RAB38: variants seen among roughly 807,000 people sequenced by gnomAD.
RAB38 encodes the protein RAB38, member RAS oncogene family, also known as ras-related protein Rab-38.
A neutral mutation model predicts 18.4 loss-of-function variants in RAB38; 15 were observed. The ratio of observed to expected loss-of-function variants is 0.82; its 90% CI spans 0.55 to 1.26. The LOEUF (loss-of-function observed/expected upper bound fraction) is 1.26. Ranked by LOEUF, RAB38 falls within the 50% of genes most tolerant of loss-of-function variation. RAB38 has a pLI of 0.00. For missense variants in RAB38, 294 were observed against 267.4 expected (o/e 1.10, Z -0.69); for synonymous variants, 101 against 104.4 (o/e 0.97, Z 0.20).
chr11:87,967,723 G>C, the RAB38 span, among the ~76,000 whole-genome samples: 30 of 152,310 alleles, frequency 2.0e-4, no homozygotes, highest in Non-Finnish European at 3.7e-4. Flanking sequence ...CAAAGAAGAA[G>C]TGACTGATTT....
chr11:87,864,777 C>T, the RAB38 span, among the ~76,000 whole-genome samples: 15 of 151,588 alleles, frequency 9.9e-5, no homozygotes, highest in East Asian at 1.4e-3. Flanking sequence ...TTGAAAGAAA[C>T]GAGTTAGACA....
chr11:88,067,077 T>C, the RAB38 span, among the ~76,000 whole-genome samples: 3 of 152,190 alleles, frequency 2.0e-5, no homozygotes, highest in African/African-American at 4.8e-5. Flanking sequence ...TTGGTTATTA[T>C]TAGTATTTGT....
chr11:88,072,078 G>A, the RAB38 span, among the ~76,000 whole-genome samples: 23 of 152,298 alleles, frequency 1.5e-4, no homozygotes, highest in Admixed American at 2.6e-4. Context: ...AAATCTCATT[G>A]TCATGAGATA....
chr11:87,910,337 T>A, the RAB38 span, among the ~76,000 whole-genome samples: 5 of 152,238 alleles, frequency 3.3e-5, 1 homozygote, highest in African/African-American at 1.2e-4. Context: ...GGTTGAATGT[T>A]AAGATTTCTT....
the RAB38 span, among the ~76,000 whole-genome samples, chr11:87,816,679 T>C: frequency 1.2e-4 from 18 of 152,214 alleles, no homozygotes; most frequent in African/African-American, 3.9e-4. Context: ...GGTCTAGATA[T>C]ATACATACGT....
At chr11:88,129,625 C>A (rs112615377) in intron 2 of RAB38, among the ~76,000 whole-genome samples, 2,044 of 152,170 alleles carry the variant, frequency 0.013, 26 homozygotes, top group Non-Finnish European at 0.02. Flanking sequence ...GTCTGGGCGA[C>A]AAAGTGAGAC....
the RAB38 span, among the ~76,000 whole-genome samples, chr11:88,028,095 C>T: frequency 3.3e-5 from 5 of 152,150 alleles, no homozygotes; most frequent in South Asian, 2.1e-4. Context: ...CTGCAGACAC[C>T]GCTGCTGATA....
chr11:88,061,046 G>A, the RAB38 span, among the ~76,000 whole-genome samples: 1 of 152,314 alleles, frequency 6.6e-6, no homozygotes, highest in South Asian at 2.1e-4. Flanking sequence ...ATGAACTGCT[G>A]TCCCTTTGCT....
chr11:87,885,905 G>A, the RAB38 span, among the ~76,000 whole-genome samples: 2 of 152,076 alleles, frequency 1.3e-5, no homozygotes, highest in Middle Eastern at 3.4e-3. Context: ...ATCTATTGAA[G>A]TATTGTCTCA....
At chr11:88,045,409 C>G in the RAB38 span, among the ~76,000 whole-genome samples, 1 of 152,218 alleles carries the variant, frequency 6.6e-6, no homozygotes, top group African/African-American at 2.4e-5. Flanking sequence ...CTTCCAAATG[C>G]CTGAACTGCG....
intron 1 of RAB38, chr11:88,173,544 T>C (rs1369728146): frequency 1.0e-5 from 10 of 985,304 alleles, no homozygotes; most frequent in African/African-American, 8.7e-5. Flanking sequence ...TCTACAGACA[T>C]AGAACTTCTC....
the RAB38 span, among the ~76,000 whole-genome samples, chr11:87,874,829 C>A: frequency 1.3e-5 from 2 of 151,272 alleles, no homozygotes; most frequent in African/African-American, 4.8e-5. Context: ...AAAGGGGGAA[C>A]CCTTGCAGGT....
intron 1 of RAB38, among the ~76,000 whole-genome samples, chr11:88,154,301 G>A (rs1943099087): frequency 6.6e-6 from 1 of 152,162 alleles, no homozygotes; most frequent in African/African-American, 2.4e-5. Context: ...AGAGACCAGA[G>A]CACTCACTCT....
intron 1 of RAB38, among the ~76,000 whole-genome samples, chr11:88,174,977 T>G (rs1943365464): frequency 6.6e-6 from 1 of 152,362 alleles, no homozygotes; most frequent in Non-Finnish European, 1.5e-5. Flanking sequence ...GGGAAGGAGC[T>G]AAAGCAATAG....
At chr11:87,842,068 T>A in the RAB38 span, among the ~76,000 whole-genome samples, 1 of 152,326 alleles carries the variant, frequency 6.6e-6, no homozygotes, top group South Asian at 2.1e-4. Context: ...AATGCAATTA[T>A]CTTTGTATAA....
the RAB38 span, among the ~76,000 whole-genome samples, chr11:87,975,233 A>C: frequency 2.0e-5 from 3 of 151,998 alleles, no homozygotes; most frequent in African/African-American, 7.2e-5. Context: ...AATTAGGTGC[A>C]TCTGCGAAGA....
the RAB38 span, among the ~76,000 whole-genome samples, chr11:87,941,874 A>C: frequency 6.6e-6 from 1 of 152,126 alleles, no homozygotes; most frequent in African/African-American, 2.4e-5. Flanking sequence ...CCTGAAAGAC[A>C]CAGAGACTCC....
chr11:88,068,319 ACC>A, the RAB38 span, among the ~76,000 whole-genome samples: 24 of 152,250 alleles, frequency 1.6e-4, 1 homozygote, highest in South Asian at 4.8e-3. Context: ...TTTTTTGTTA[ACC>A]ACTTTCAAAA....
chr11:87,817,232 A>G, the RAB38 span: 1 of 152,088 alleles, frequency 6.6e-6, no homozygotes, highest in Non-Finnish European at 1.5e-5. Flanking sequence ...TTAAACTTTT[A>G]CCTAGTCAGA....
Sources: gnomAD v4.1 joint callset for allele counts (sites outside exome capture counted in the v4.1 genomes callset) on GRCh38, gnomAD v4.1.1 for gene constraint, MANE v1.5 for transcripts, NCBI Gene and HGNC (gene_info 2026-07-23, HGNC 2026-07-21) for gene names.